The following SLC35F3 variants were observed in gnomAD, a reference collection of about 807,000 sequenced individuals.
SLC35F3 encodes the protein solute carrier family 35 member F3.
In SLC35F3, 25 loss-of-function variants were observed where a neutral mutation model predicts 49.9. The observed-to-expected ratio is 0.50, with a 90% CI of 0.37 to 0.70. The LOEUF is 0.70. SLC35F3 is among the 30% of genes least tolerant of loss of function. The pLI, the probability that SLC35F3 is intolerant of heterozygous loss-of-function variation, is 0.00. For missense variants in SLC35F3, 525 were observed against 639.8 expected (o/e 0.82, Z 1.94); for synonymous variants, 275 against 265.4 (o/e 1.04, Z -0.35).
chr1:234,294,863 G>T (rs657436), intron 3 of SLC35F3, among the ~76,000 whole-genome samples: 32,068 of 151,900 alleles, frequency 0.21, 3,963 homozygotes, highest in African/African-American at 0.35. Flanking sequence ...GGGAGGGAGG[G>T]AGGCACAGAA....
At chr1:234,139,951 T>TAATAAAATA (rs1665868497) in intron 2 of SLC35F3, among the ~76,000 whole-genome samples, 1 of 90,564 alleles carries the variant, frequency 1.1e-5, no homozygotes, top group African/African-American at 4.0e-5. Context: ...CATCTCAAAA[T>TAATAAAATA]AATAAAATAA....
intron 3 of SLC35F3, among the ~76,000 whole-genome samples, chr1:234,278,732 C>G (rs540552033): frequency 6.6e-6 from 1 of 152,056 alleles, no homozygotes; most frequent in East Asian, 1.9e-4. Context: ...GGACCTATTT[C>G]CCGGTTTGCA....
intron 2 of SLC35F3, among the ~76,000 whole-genome samples, chr1:233,919,049 T>C (rs1295820985): frequency 6.6e-6 from 1 of 152,170 alleles, no homozygotes; most frequent in Non-Finnish European, 1.5e-5. Flanking sequence ...TATATATATG[T>C]TCATGGGACC....
intron 3 of SLC35F3, among the ~76,000 whole-genome samples, chr1:234,280,889 C>T (rs1433937986): frequency 6.6e-6 from 1 of 152,180 alleles, no homozygotes; most frequent in Non-Finnish European, 1.5e-5. Context: ...GGCTTACTCA[C>T]TACTCTGCCC....
At chr1:234,111,820 T>C (rs934157088) in intron 2 of SLC35F3, among the ~76,000 whole-genome samples, 1 of 152,160 alleles carries the variant, frequency 6.6e-6, no homozygotes, top group Non-Finnish European at 1.5e-5. Flanking sequence ...GAAGACTTTT[T>C]TAAAAATAGG....
rs1657594525 is a variant in SLC35F3 at position 234,320,669 on chromosome 1, G to T, written c.1237+482G>T. Among the ~76,000 whole-genome samples the T allele has an allele frequency of 6.6e-6, 1 of 152,206 alleles. No individual in the cohort carries two copies. The highest frequency in any genetic ancestry group is 2.1e-4 in the South Asian group (1 of 4,836). ...GGTAGAAACATGCTGACAAGCTGAAGAAGCGTGAACGGCATTTTCCCTGAC... is the reference window on the plus strand; with the variant it reads ...GGTAGAAACATGCTGACAAGCTGAATAAGCGTGAACGGCATTTTCCCTGAC... On this transcript the variant is annotated intron_variant, in intron 7 of 7. Transcript: ENST00000366618. This position sits in a 1 kb window ranked among gnomAD's most constrained non-coding sequence, Gnocchi z 4.8.
chr1:234,140,667 G>A (rs1433671215), intron 2 of SLC35F3, among the ~76,000 whole-genome samples: 1 of 133,640 alleles, frequency 7.5e-6, no homozygotes, highest in Non-Finnish European at 1.6e-5. Flanking sequence ...GAACACTCAG[G>A]GGGATGCTCA....
chr1:233,996,728 G>A (rs751312707), intron 2 of SLC35F3, among the ~76,000 whole-genome samples: 3 of 152,204 alleles, frequency 2.0e-5, no homozygotes, highest in Non-Finnish European at 4.4e-5. Flanking sequence ...GGGGTTGGGA[G>A]GGACCAGGCT....
At chr1:233,905,871 C>T in intron 2 of SLC35F3, 113 bp downstream of exon 2, 2 of 991,928 alleles carry the variant, frequency 2.0e-6, no homozygotes, top group Non-Finnish European at 3.0e-6. Flanking sequence ...TCCCGCCCTG[C>T]CTGCTGATAC....
At chr1:233,980,276 C>G (rs1469342983) in intron 2 of SLC35F3, among the ~76,000 whole-genome samples, 1 of 152,166 alleles carries the variant, frequency 6.6e-6, no homozygotes, top group African/African-American at 2.4e-5. Flanking sequence ...CCTAGAGATT[C>G]AAGAGCAAGC....
intron 4 of SLC35F3, among the ~76,000 whole-genome samples, chr1:234,315,310 C>T (rs6663458): frequency 0.068 from 10,419 of 152,258 alleles, 1,132 homozygotes; most frequent in African/African-American, 0.23. Flanking sequence ...GAGATTAAGC[C>T]ACATTATGTT....
intron 2 of SLC35F3, among the ~76,000 whole-genome samples, chr1:233,979,292 C>T (rs1053024944): frequency 6.6e-6 from 1 of 152,038 alleles, no homozygotes; most frequent in African/African-American, 2.4e-5. Context: ...TCTCTCTTCA[C>T]GTTAGGGGAT....
intron 2 of SLC35F3, among the ~76,000 whole-genome samples, chr1:234,134,963 A>G (rs1572064504): frequency 2.0e-5 from 3 of 151,926 alleles, no homozygotes; most frequent in Non-Finnish European, 4.4e-5. Flanking sequence ...TCAGTGATCC[A>G]CCTGCCTCGG....
At position 234,214,282 on chromosome 1, in the gene SLC35F3, C is replaced by A; in HGVS notation, c.284-17135C>A. ...CGTGTGTGTGGAGTGGCTGCGCGGCCGGGGAGGATGTGCGCTGCAGGGCGG... is the reference window on the plus strand; with the variant it reads ...CGTGTGTGTGGAGTGGCTGCGCGGCAGGGGAGGATGTGCGCTGCAGGGCGG... On this transcript the variant is annotated intron_variant, in intron 2 of 7. Coordinates refer to ENST00000366618, the MANE Select transcript of SLC35F3 (RefSeq NM_173508.4). This position sits in a 1 kb window ranked among gnomAD's most constrained non-coding sequence, Gnocchi z 8.0. 7.8e-7 allele frequency: 1 copy of A among 1,275,414 alleles called. No individual in the cohort carries two copies. The highest frequency in any genetic ancestry group is 9.9e-7 in the Non-Finnish European group (1 of 1,014,610). The allele number at this position is 1,275,414 out of a possible 1,614,324, so 79.0% of individuals were successfully genotyped here. A position where few individuals can be genotyped will look rare whatever the true frequency, so the allele number is the denominator to read the frequency against.
intron 2 of SLC35F3, among the ~76,000 whole-genome samples, chr1:234,092,920 A>G (rs1000594000): frequency 3.9e-5 from 6 of 152,210 alleles, no homozygotes; most frequent in Non-Finnish European, 5.9e-5. Flanking sequence ...AATGTTGGTC[A>G]CTGAAGAAAC....
chr1:234,306,085 T>C (rs949798998), intron 3 of SLC35F3, among the ~76,000 whole-genome samples: 1 of 152,232 alleles, frequency 6.6e-6, no homozygotes, highest in African/African-American at 2.4e-5. Context: ...TTCATGTTCA[T>C]CATCTGTCTT....
At chr1:233,976,121 G>C (rs1663076345) in intron 2 of SLC35F3, among the ~76,000 whole-genome samples, 1 of 152,170 alleles carries the variant, frequency 6.6e-6, no homozygotes, top group Non-Finnish European at 1.5e-5. Flanking sequence ...AGACAGAGGA[G>C]GAGGAGACAA....
chr1:233,991,643 T>G (rs1663356671), intron 2 of SLC35F3, among the ~76,000 whole-genome samples: 1 of 152,140 alleles, frequency 6.6e-6, no homozygotes, highest in Non-Finnish European at 1.5e-5. Flanking sequence ...AATTTGTTTT[T>G]TACTTATGAC....
intron 2 of SLC35F3, among the ~76,000 whole-genome samples, chr1:234,035,489 A>T (rs752005341): frequency 3.3e-5 from 5 of 152,124 alleles, no homozygotes; most frequent in Non-Finnish European, 5.9e-5. Flanking sequence ...ACACTCAGAA[A>T]CTCAGATGTT....
Sources: allele counts gnomAD v4.1 joint callset (sites outside exome capture counted in the v4.1 genomes callset), GRCh38; gene constraint gnomAD v4.1.1; non-coding constraint Gnocchi (gnomAD v3.1); transcripts MANE v1.5; gene names NCBI Gene and HGNC (gene_info 2026-07-23, HGNC 2026-07-21).